PATL2: variants seen among roughly 807,000 people sequenced by gnomAD.
The protein encoded by PATL2 is protein PAT1 homolog 2.
In PATL2, 73 loss-of-function variants were observed where a neutral mutation model predicts 77.0. The ratio of observed to expected loss-of-function variants is 0.95; its 90% CI spans 0.78 to 1.15. The LOEUF (loss-of-function observed/expected upper bound fraction) is 1.15, where lower values mean the gene tolerates loss of function less well. PATL2 is among the 50% of genes most tolerant of loss of function. PATL2 has a pLI of 0.00. For missense variants in PATL2, 618 were observed against 655.4 expected, an observed-to-expected ratio of 0.94 and a Z score of 0.62; for synonymous variants, 265 against 257.1, an observed-to-expected ratio of 1.03 and a Z score of -0.29.
intron 3 of PATL2, among the ~76,000 whole-genome samples, chr15:44,699,681 G>C (rs1286704166): frequency 6.6e-6 from 1 of 152,112 alleles, no homozygotes; most frequent in African/African-American, 2.4e-5. Context: ...TTTGTATATG[G>C]TGAGAGATAG....
chr15:44,698,041 G>A (rs1800977771), intron 3 of PATL2, among the ~76,000 whole-genome samples: 1 of 151,242 alleles, frequency 6.6e-6, no homozygotes, highest in Non-Finnish European at 1.5e-5. Context: ...GCCTGGCTTG[G>A]TCATTTTGTT....
In PATL2 at chr15:44,669,567, G is replaced by A. The variant is rs1302651273; in HGVS notation, c.877-4C>T. 1 of 1,550,802 alleles carries A rather than the reference G, an allele frequency of 6.4e-7. No homozygotes were observed. The highest frequency in any genetic ancestry group is 2.4e-5 in the East Asian group (1 of 40,908). On this transcript the variant is annotated splice_region_variant and splice_polypyrimidine_tract_variant and intron_variant, in intron 11 of 17. Coordinates refer to ENST00000682850, the MANE Select transcript of PATL2 (RefSeq NM_001387263.1). The stretch of plus-strand genomic sequence containing the variant: ...GACTGCTTGCAGCTTCTATATCCTA[G>A]GAGAAGGGAGTCACCAGCTATCAGC...
chr15:44,694,185 C>T (rs942122261), intron 3 of PATL2, among the ~76,000 whole-genome samples: 13 of 152,196 alleles, frequency 8.5e-5, no homozygotes, highest in Admixed American at 7.9e-4. Flanking sequence ...TCCTGCCTGT[C>T]ATGGCCTGGC....
At chr15:44,699,663 A>G (rs1478984547) in intron 3 of PATL2, among the ~76,000 whole-genome samples, 1 of 151,978 alleles carries the variant, frequency 6.6e-6, no homozygotes, top group Non-Finnish European at 1.5e-5. Context: ...TTCCATTTTT[A>G]TTTGATTTTT....
intron 3 of PATL2, among the ~76,000 whole-genome samples, chr15:44,707,021 C>T (rs981082447): frequency 1.3e-5 from 2 of 152,116 alleles, no homozygotes; most frequent in African/African-American, 4.8e-5. Flanking sequence ...GAGTCTCTTG[C>T]CATGGCCACT....
chr15:44,680,052 C>G (rs2086098845), intron 3 of PATL2, among the ~76,000 whole-genome samples: 2 of 152,188 alleles, frequency 1.3e-5, no homozygotes, highest in Non-Finnish European at 2.9e-5. Flanking sequence ...GATCTGGGAT[C>G]TGCTCCCTCC....
At chr15:44,684,662 G>A (rs189482438) in intron 3 of PATL2, among the ~76,000 whole-genome samples, 244 of 152,234 alleles carry the variant, frequency 1.6e-3, no homozygotes, top group African/African-American at 5.6e-3. Flanking sequence ...AAACAAGCTG[G>A]AAAACACTCT....
In PATL2 at chr15:44,669,344, G is replaced by T; in HGVS notation, c.1000C>A (p.Gln334Lys). The T allele has an allele frequency of 6.4e-7, 1 of 1,551,660 alleles. No individual in the cohort carries two copies. The highest frequency in any genetic ancestry group is 8.7e-7 in the Non-Finnish European group (1 of 1,146,974). The change falls in exon 13 of 18, where the codon CAG becomes AAG. Residue 334 changes from glutamine to lysine, a missense_variant. Gln to Lys is a moderately conservative substitution (Grantham distance 53). Coordinates refer to ENST00000682850, the MANE Select transcript of PATL2 (RefSeq NM_001387263.1). ...AGCTTCTCAACCTGGTTGCTTTGCTGCTCAGAAAAGCAGGGCGGTGGAGGC... is the reference window on the plus strand; with the variant it reads ...AGCTTCTCAACCTGGTTGCTTTGCTTCTCAGAAAAGCAGGGCGGTGGAGGC... ...YRPPPPCFSEQQSNQVEKLFQ... is the reference protein window; with the variant it reads ...YRPPPPCFSEKQSNQVEKLFQ...
At chr15:44,678,145 C>T (rs1396288703) in intron 3 of PATL2, among the ~76,000 whole-genome samples, 1 of 152,216 alleles carries the variant, frequency 6.6e-6, no homozygotes, top group African/African-American at 2.4e-5. Flanking sequence ...AGCCACCACA[C>T]CCAGCTGGGT....
rs142283783 is a variant in PATL2, at chr15:44,691,820, T to C, written c.-75-15255A>G. Among the ~76,000 whole-genome samples, 4 of 151,952 alleles carry C rather than the reference T, an allele frequency of 2.6e-5. No homozygotes were observed. The East Asian group carries it at 7.7e-4, about 29-fold the overall frequency. The stretch of plus-strand genomic sequence containing the variant: ...CAAATAAATAGATAAATAAATAAGA[T>C]ACAAAGTAAAACAAGGAGATACAAT... On this transcript the variant is annotated intron_variant, in intron 3 of 17. Coordinates refer to ENST00000682850, the MANE Select transcript of PATL2 (RefSeq NM_001387263.1).
rs561731334 is a variant in PATL2 at position 44,674,576 on chromosome 15, A to T, written c.223-346T>A. On this transcript the variant is annotated intron_variant, in intron 5 of 17. Transcript: ENST00000682850. ...TAGTTTATATATATATTTAAAAAAAATTTTTTTTAGAGTCAGGGTCTTGCT... is the reference window on the plus strand; with the variant it reads ...TAGTTTATATATATATTTAAAAAAATTTTTTTTTAGAGTCAGGGTCTTGCT... 1.4e-4 allele frequency among the ~76,000 whole-genome samples: 21 copies of T among 151,780 alleles called. 1 individual carries two copies. The highest frequency in any genetic ancestry group is 1.0e-3 in the South Asian group (5 of 4,794).
chr15:44,694,745 A>T (rs1468084387), intron 3 of PATL2, among the ~76,000 whole-genome samples: 1 of 152,220 alleles, frequency 6.6e-6, no homozygotes, highest in African/African-American at 2.4e-5. Flanking sequence ...TTGAAGAAAC[A>T]AAAAGGGATG....
chr15:44,702,390 C>T (rs114424388), intron 3 of PATL2, among the ~76,000 whole-genome samples: 4,495 of 147,970 alleles, frequency 0.03, 254 homozygotes, highest in African/African-American at 0.11. Context: ...TTTTTCTTAG[C>T]GAGTCTGGCT....
At chr15:44,677,444 C>T (rs960050796) in intron 3 of PATL2, among the ~76,000 whole-genome samples, 3 of 152,178 alleles carry the variant, frequency 2.0e-5, no homozygotes, top group African/African-American at 7.2e-5. Flanking sequence ...GCATGAGATA[C>T]ACAGTCTTAC....
rs565980443 is a variant in PATL2 at position 44,685,202 on chromosome 15, T to C, written c.-75-8637A>G. On this transcript the variant is annotated intron_variant, in intron 3 of 17. Coordinates refer to ENST00000682850, the MANE Select transcript of PATL2 (RefSeq NM_001387263.1). Reference sequence around the variant, plus strand: ...AAACTGTGTCAACTAACGGGCAAAATAACCGGCTAGCATCATAATGACAGG... The same window carrying C: ...AAACTGTGTCAACTAACGGGCAAAACAACCGGCTAGCATCATAATGACAGG... 4.4e-3 allele frequency among the ~76,000 whole-genome samples: 671 copies of C among 152,212 alleles called. 6 individuals carry two copies. Among genetic ancestry groups the C allele is most frequent in the African/African-American group, 0.015 (640 of 41,518 alleles).
chr15:44,701,765 A>T (rs2086634782), intron 3 of PATL2, among the ~76,000 whole-genome samples: 1 of 151,818 alleles, frequency 6.6e-6, no homozygotes, highest in South Asian at 2.1e-4. Flanking sequence ...AAGAGTTTTA[A>T]TTGGCTTATG....
Position 44,675,709 on chromosome 15 carries a change from C to T in PATL2, c.17-18G>A. 1 of 1,533,836 alleles carries T rather than the reference C, an allele frequency of 6.5e-7. No homozygotes were observed. The highest frequency in any genetic ancestry group is 8.8e-7 in the Non-Finnish European group (1 of 1,138,274). ...ACCTGGCCCTTGGTTTAAGTGTGGG[C>T]CAGAGGAGAAGGTAAGATGGGGCTC... On this transcript the variant is annotated intron_variant, in intron 4 of 17. Coordinates refer to ENST00000682850, the MANE Select transcript of PATL2 (RefSeq NM_001387263.1).
At position 44,665,872 on chromosome 15, in the gene PATL2, C is replaced by G. The variant is rs950639647; in HGVS notation, c.*81G>C. 6 of 1,549,926 alleles carry G rather than the reference C, an allele frequency of 3.9e-6. No individual in the cohort carries two copies. In the African/African-American group the frequency reaches 8.2e-5, roughly 21 times the overall value. On this transcript the variant is annotated 3_prime_UTR_variant, in exon 18 of 18. Coordinates refer to ENST00000682850, the MANE Select transcript of PATL2 (RefSeq NM_001387263.1). ...GGCATAAGAAATGTCTTCAGACTCT[C>G]TGGATCCCTGTAAACATAGTCTATG...
chr15:44,668,533 C>T (rs1442368112), intron 14 of PATL2, 51 bp from the exon 15 acceptor site: 2 of 1,533,840 alleles, frequency 1.3e-6, no homozygotes, highest in Non-Finnish European at 8.8e-7. Flanking sequence ...ACTTCACCTC[C>T]CCTTACCTTG....
Sources: allele counts gnomAD v4.1 joint callset (sites outside exome capture counted in the v4.1 genomes callset), GRCh38; gene constraint gnomAD v4.1.1; transcripts MANE v1.5; gene names NCBI Gene and HGNC (gene_info 2026-07-23, HGNC 2026-07-21).